CSMD1: variants seen among roughly 807,000 people sequenced by gnomAD.
The protein encoded by CSMD1 is CUB and sushi domain-containing protein 1.
Under a neutral mutation model 417.5 loss-of-function variants are expected in CSMD1, and 213 were observed. The observed-to-expected ratio is 0.51, with a 90% confidence interval of 0.46 to 0.57. The LOEUF (loss-of-function observed/expected upper bound fraction) is 0.57, where lower values mean the gene tolerates loss of function less well. Ranked by LOEUF, CSMD1 falls within the 20% of genes least tolerant of loss-of-function variation. The pLI is 0.00. For missense variants in CSMD1, 6,923 were observed against 4,529.7 expected (o/e 1.53, Z -15.17); for synonymous variants, 2,862 against 1,736.8 (o/e 1.65, Z -16.11).
intron 23 of CSMD1, among the ~76,000 whole-genome samples, chr8:3,319,226 C>G (rs1805983529): frequency 6.6e-6 from 1 of 152,156 alleles, no homozygotes. Context: ...CCAAAAACTA[C>G]TAATTGCTTA....
chr8:4,787,770 T>TG, intron 1 of CSMD1: 2 of 1,582,490 alleles, frequency 1.3e-6, no homozygotes, highest in Non-Finnish European at 1.7e-6. Flanking sequence ...TTTGCTTCGC[T>TG]GGACTTGTTA....
intron 3 of CSMD1, among the ~76,000 whole-genome samples, chr8:4,411,914 G>C (rs1267962892): frequency 1.3e-5 from 2 of 151,626 alleles, no homozygotes; most frequent in Non-Finnish European, 2.9e-5. Flanking sequence ...AATACACATA[G>C]GACTAAAAGG....
intron 1 of CSMD1, among the ~76,000 whole-genome samples, chr8:4,773,237 G>A (rs1284002945): frequency 6.6e-6 from 1 of 152,058 alleles, no homozygotes; most frequent in Non-Finnish European, 1.5e-5. Context: ...TTCAGACTTT[G>A]GGGTATTTCA....
chr8:3,978,073 C>T (rs1447932261), intron 5 of CSMD1, among the ~76,000 whole-genome samples: 2 of 152,196 alleles, frequency 1.3e-5, no homozygotes, highest in African/African-American at 4.8e-5. Context: ...ACTGGAGCAA[C>T]TGTGAAACTC....
intron 1 of CSMD1, among the ~76,000 whole-genome samples, chr8:4,800,438 C>CCA (rs1225943950): frequency 2.6e-5 from 3 of 115,056 alleles, no homozygotes; most frequent in African/African-American, 1.0e-4. Flanking sequence ...GACTTCATCT[C>CCA]AAAAAAAAAA....
At chr8:4,351,936 T>C (rs960655840) in intron 3 of CSMD1, among the ~76,000 whole-genome samples, 8 of 144,284 alleles carry the variant, frequency 5.5e-5, no homozygotes, top group African/African-American at 1.8e-4. Flanking sequence ...CAAGGTAACA[T>C]TGCCTTTATG....
At chr8:4,377,465 C>G (rs910402790) in intron 3 of CSMD1, among the ~76,000 whole-genome samples, 2 of 152,110 alleles carry the variant, frequency 1.3e-5, no homozygotes, top group Non-Finnish European at 2.9e-5. Flanking sequence ...CCTTAAATTA[C>G]TAACAAGTCA....
chr8:4,261,341 T>C (rs574223066), intron 3 of CSMD1, among the ~76,000 whole-genome samples: 1 of 152,234 alleles, frequency 6.6e-6, no homozygotes, highest in Admixed American at 6.5e-5. Context: ...CTCACTTAGA[T>C]GTGGAATCTA....
intron 2 of CSMD1, among the ~76,000 whole-genome samples, chr8:4,538,715 CATCCT>C (rs1797232850): frequency 6.6e-6 from 1 of 152,150 alleles, no homozygotes; most frequent in African/African-American, 2.4e-5. Context: ...ACTTGTCATA[CATCCT>C]AGCAAGTAAA....
chr8:4,702,850 T>C (rs921219434), intron 1 of CSMD1, among the ~76,000 whole-genome samples: 6 of 152,182 alleles, frequency 3.9e-5, no homozygotes, highest in African/African-American at 1.4e-4. Flanking sequence ...CTTTAATGGA[T>C]AACATTATTA....
chr8:3,885,189 C>G (rs1357489), intron 5 of CSMD1, among the ~76,000 whole-genome samples: 10 of 151,962 alleles, frequency 6.6e-5, no homozygotes, highest in Non-Finnish European at 1.2e-4. Flanking sequence ...GAGACATTCA[C>G]AGATCAGAAA....
chr8:4,318,016 G>A (rs936229031), intron 3 of CSMD1, among the ~76,000 whole-genome samples: 44 of 152,114 alleles, frequency 2.9e-4, no homozygotes, highest in Non-Finnish European at 4.1e-4. Flanking sequence ...TTAGAATCCA[G>A]GAGTAATTCT....
At chr8:4,776,975 T>A (rs1009451290) in intron 1 of CSMD1, among the ~76,000 whole-genome samples, 2 of 152,226 alleles carry the variant, frequency 1.3e-5, no homozygotes, top group Admixed American at 6.5e-5. Flanking sequence ...TATTTGTCAA[T>A]ATCAATTTAG....
chr8:3,101,236 AG>A (rs1345445690), intron 46 of CSMD1, among the ~76,000 whole-genome samples: 1 of 152,142 alleles, frequency 6.6e-6, no homozygotes, highest in Non-Finnish European at 1.5e-5. Flanking sequence ...AGCAGTAGGA[AG>A]CCATCTCCTC....
At chr8:3,080,991 A>C (rs1443349348) in intron 49 of CSMD1, among the ~76,000 whole-genome samples, 6 of 152,236 alleles carry the variant, frequency 3.9e-5, no homozygotes, top group Admixed American at 6.5e-5. Flanking sequence ...AATAATCTTT[A>C]AAAGGAAAAA....
chr8:3,709,873 A>G (rs1437598651), intron 6 of CSMD1, among the ~76,000 whole-genome samples: 1 of 150,564 alleles, frequency 6.6e-6, no homozygotes, highest in Non-Finnish European at 1.5e-5. Context: ...GTGTGTACAC[A>G]TGCACATAAG....
rs1332877441 is a variant in CSMD1, at chr8:4,000,830, C to G, written c.611-2720G>C. 2.6e-5 allele frequency among the ~76,000 whole-genome samples: 4 copies of G among 151,634 alleles called. No homozygotes were observed. In the East Asian group the frequency reaches 7.7e-4, roughly 29 times the overall value. Reference sequence around the variant, plus strand: ...TGGCATCTCAATGTAAACACAGATGCAGAAGAAAAGAGTTCTAATACCTTT... The same window carrying G: ...TGGCATCTCAATGTAAACACAGATGGAGAAGAAAAGAGTTCTAATACCTTT... On this transcript the variant is annotated intron_variant, in intron 4 of 69. Coordinates refer to ENST00000635120, the MANE Select transcript of CSMD1 (RefSeq NM_033225.6).
chr8:4,366,690 T>C (rs999607099), intron 3 of CSMD1, among the ~76,000 whole-genome samples: 9 of 151,960 alleles, frequency 5.9e-5, no homozygotes, highest in African/African-American at 2.2e-4. Context: ...CTGATGAGCG[T>C]TTTTTCTTTT....
chr8:4,064,112 G>C (rs1384877874), intron 3 of CSMD1, among the ~76,000 whole-genome samples: 1 of 152,102 alleles, frequency 6.6e-6, no homozygotes, highest in Non-Finnish European at 1.5e-5. Flanking sequence ...CTGCAGCAAA[G>C]GGTCCTAGAA....
Sources: gnomAD v4.1 joint callset for allele counts (sites outside exome capture counted in the v4.1 genomes callset) on GRCh38, gnomAD v4.1.1 for gene constraint, MANE v1.5 for transcripts, NCBI Gene and HGNC (gene_info 2026-07-23, HGNC 2026-07-21) for gene names.